Variants in OSBPL1A observed in about 807,000 individuals in gnomAD.
OSBPL1A encodes oxysterol-binding protein-related protein 1.
In OSBPL1A, 80 loss-of-function variants were observed where a neutral mutation model predicts 137.1. That is an observed-to-expected ratio of 0.58 (90% CI 0.49 to 0.70). OSBPL1A has a LOEUF of 0.70. Ranked by LOEUF, OSBPL1A falls within the 30% of genes least tolerant of loss-of-function variation. OSBPL1A has a pLI of 0.00. For synonymous variants in OSBPL1A, 365 were observed against 389.7 expected (o/e 0.94, Z 0.75); for missense variants, 970 against 1,129.4 (o/e 0.86, Z 2.02).
chr18:24,234,992 G>A (rs190686503), intron 16 of OSBPL1A, among the ~76,000 whole-genome samples: 29 of 152,310 alleles, frequency 1.9e-4, no homozygotes, highest in Middle Eastern at 3.4e-3. Flanking sequence ...TATAGTAAGT[G>A]GAGGGAACAA....
chr18:24,200,370 TG>T (rs1482227552), intron 17 of OSBPL1A, among the ~76,000 whole-genome samples: 1 of 152,016 alleles, frequency 6.6e-6, no homozygotes, highest in Non-Finnish European at 1.5e-5. Context: ...GAGACCAGCC[TG>T]GCCAAGATGG....
chr18:24,389,510 G>C (rs967361837), intron 1 of OSBPL1A, among the ~76,000 whole-genome samples: 2 of 152,064 alleles, frequency 1.3e-5, no homozygotes, highest in South Asian at 4.1e-4. Flanking sequence ...AAGTTCTATG[G>C]CCCCAACAGT....
chr18:24,355,230 A>G (rs1040755260), intron 4 of OSBPL1A, among the ~76,000 whole-genome samples: 1 of 151,820 alleles, frequency 6.6e-6, no homozygotes, highest in Admixed American at 6.6e-5. Context: ...ATGCCCACTT[A>G]TTAAGGCTCA....
At chr18:24,393,363 A>C (rs1451075773) in intron 1 of OSBPL1A, among the ~76,000 whole-genome samples, 2 of 152,288 alleles carry the variant, frequency 1.3e-5, no homozygotes, top group Non-Finnish European at 2.9e-5. Context: ...CCCAAAGGCA[A>C]AGTTACTTGC....
intron 6 of OSBPL1A, among the ~76,000 whole-genome samples, chr18:24,333,790 A>G (rs2146144051): frequency 6.6e-6 from 1 of 152,306 alleles, no homozygotes; most frequent in East Asian, 1.9e-4. Context: ...ATTCCAAAAT[A>G]CTGTCCCTTC....
chr18:24,310,132 T>C (rs1471068275), intron 13 of OSBPL1A, among the ~76,000 whole-genome samples: 2 of 150,752 alleles, frequency 1.3e-5, no homozygotes, highest in East Asian at 3.9e-4. Flanking sequence ...AACGTAAAAG[T>C]GCTTAACACT....
intron 2 of OSBPL1A, among the ~76,000 whole-genome samples, chr18:24,375,135 C>T (rs114561424): frequency 0.012 from 1,847 of 151,918 alleles, 35 homozygotes; most frequent in African/African-American, 0.042. Flanking sequence ...GGGAACACAG[C>T]AAGATCCCGT....
At chr18:24,315,865 GTATATAT>G (rs1568021860) in intron 11 of OSBPL1A, among the ~76,000 whole-genome samples, 2 of 67,860 alleles carry the variant, frequency 2.9e-5, no homozygotes, top group African/African-American at 6.7e-5. Context: ...ATAATATATA[GTATATAT>G]TATATAATAA....
intron 4 of OSBPL1A, chr18:24,357,062 GCAAATCACACTGGTCCACTTTAT>G (rs2091549217): frequency 6.6e-6 from 1 of 152,192 alleles, no homozygotes; most frequent in South Asian, 2.1e-4. Context: ...GAATCTGGCA[GCAAATCACACTGGTCCACTTTAT>G]CAATAACATT....
At chr18:24,180,582 T>C (rs963337385) in intron 19 of OSBPL1A, among the ~76,000 whole-genome samples, 1 of 151,994 alleles carries the variant, frequency 6.6e-6, no homozygotes, top group Non-Finnish European at 1.5e-5. Flanking sequence ...ACTAAAGATT[T>C]AGCAAAAGCC....
chr18:24,292,316 C>A (rs2090188875), intron 14 of OSBPL1A, among the ~76,000 whole-genome samples: 1 of 152,086 alleles, frequency 6.6e-6, no homozygotes, highest in African/African-American at 2.4e-5. Context: ...ACTGTGGAAA[C>A]CCTCTTGGCA....
intron 15 of OSBPL1A, among the ~76,000 whole-genome samples, chr18:24,269,162 C>T (rs1219380597): frequency 6.6e-6 from 1 of 152,166 alleles, no homozygotes; most frequent in Non-Finnish European, 1.5e-5. Context: ...TGCACCTGGT[C>T]GTCCTGTTTG....
At chr18:24,316,925 A>G (rs1161859681) in intron 11 of OSBPL1A, among the ~76,000 whole-genome samples, 1 of 152,238 alleles carries the variant, frequency 6.6e-6, no homozygotes, top group East Asian at 1.9e-4. Flanking sequence ...CTCTCATTCC[A>G]TAATAATACA....
At chr18:24,177,258 T>C (rs1300082185) in intron 21 of OSBPL1A, among the ~76,000 whole-genome samples, 2 of 152,210 alleles carry the variant, frequency 1.3e-5, no homozygotes, top group Non-Finnish European at 2.9e-5. Context: ...TATTCTCTAC[T>C]TCCTGCAAGG....
At chr18:24,203,817 A>G (rs2087290772) in intron 17 of OSBPL1A, among the ~76,000 whole-genome samples, 1 of 152,112 alleles carries the variant, frequency 6.6e-6, no homozygotes, top group Non-Finnish European at 1.5e-5. Context: ...ACACTTCTCT[A>G]TGGTCTGCTT....
intron 18 of OSBPL1A, among the ~76,000 whole-genome samples, chr18:24,193,212 C>T (rs1229963904): frequency 3.3e-5 from 5 of 152,050 alleles, no homozygotes; most frequent in Non-Finnish European, 7.4e-5. Context: ...GCAGGCTGGG[C>T]GCGGTGGCTC....
At chr18:24,293,122 A>G (rs59777756) in intron 14 of OSBPL1A, among the ~76,000 whole-genome samples, 16,510 of 83,954 alleles carry the variant, frequency 0.2, 1,802 homozygotes, top group African/African-American at 0.39. Context: ...AAAAAAAAAA[A>G]AAAAAAGAAA....
chr18:24,290,891 T>A (rs2090163892), intron 14 of OSBPL1A, among the ~76,000 whole-genome samples: 1 of 152,068 alleles, frequency 6.6e-6, no homozygotes, highest in Non-Finnish European at 1.5e-5. Context: ...GACACTTTCT[T>A]GCCTAAGCTC....
intron 16 of OSBPL1A, among the ~76,000 whole-genome samples, chr18:24,228,998 C>G (rs1419843917): frequency 6.6e-6 from 1 of 152,074 alleles, no homozygotes; most frequent in African/African-American, 2.4e-5. Context: ...GTCAGGAGTT[C>G]AAGACCAGAC....
Sources: allele counts gnomAD v4.1 joint callset (sites outside exome capture counted in the v4.1 genomes callset), GRCh38; gene constraint gnomAD v4.1.1; transcripts MANE v1.5; gene names NCBI Gene and HGNC (gene_info 2026-07-23, HGNC 2026-07-21).